Variants in USP32 observed in about 807,000 individuals in gnomAD.
USP32 encodes ubiquitin carboxyl-terminal hydrolase 32.
Under a neutral mutation model 204.8 loss-of-function variants are expected in USP32, and 59 were observed. That is an observed-to-expected ratio of 0.29 (90% CI 0.23 to 0.36). The LOEUF is 0.36. USP32 is among the 10% of genes least tolerant of loss of function. USP32 has a pLI of 1.00. For missense variants in USP32, 1,160 were observed against 1,946.4 expected (o/e 0.60, Z 7.60); for synonymous variants, 517 against 678.4 (o/e 0.76, Z 3.70).
In USP32 at chr17:60,374,399, G is replaced by A. The variant is rs754031421; in HGVS notation, c.58+17483C>T. Among the ~76,000 whole-genome samples, 313 of 141,554 alleles carry A rather than the reference G, an allele frequency of 2.2e-3. 2 individuals are homozygous for A. The highest frequency in any genetic ancestry group is 3.5e-3 in the Non-Finnish European group (222 of 64,218). The allele number at this position is 141,554 out of a possible 152,430, so 92.9% of individuals were successfully genotyped here. Reference sequence around the variant, plus strand: ...CCTAAGGCTGTTACAGTTAAGTTTTGTTTTTTTTTTTTTGAGACAGAGTCT... The same window carrying A: ...CCTAAGGCTGTTACAGTTAAGTTTTATTTTTTTTTTTTTGAGACAGAGTCT... On this transcript the variant is annotated intron_variant, in intron 1 of 33. Transcript: ENST00000300896.
At position 60,419,818 on chromosome 17, in the gene USP32, ATTATT is replaced by A. The variant is rs993054546; in HGVS notation, c.106+2423_106+2427del. 1.5e-3 allele frequency among the ~76,000 whole-genome samples: 9 copies of A among 6,066 alleles called. No individual in the cohort carries two copies. In the African/African-American group the frequency reaches 0.015, roughly 10 times the overall value. The allele number at this position is 6,066 out of a possible 152,430, so 4.0% of individuals were successfully genotyped here. A position where few individuals can be genotyped will look rare whatever the true frequency, so the allele number is the denominator to read the frequency against. On this transcript the variant is annotated intron_variant, in intron 1 of 3. Coordinates refer to the USP32 transcript ENST00000588898. ...AACCTGCAACTCAAGGTTAAAAAAA[ATTATT>A]ATTATTATTATTATTATTATTATTA...
chr17:60,181,816 A>G, intron 31 of USP32, 68 bp from the exon 32 acceptor site: 3 of 1,552,906 alleles, frequency 1.9e-6, no homozygotes, highest in East Asian at 2.2e-5. Context: ...CCCAAATGCT[A>G]CCTCTGAGGT....
chr17:60,335,705 A>G (rs2088499925), intron 2 of USP32, among the ~76,000 whole-genome samples: 2 of 143,386 alleles, frequency 1.4e-5, no homozygotes, highest in Non-Finnish European at 3.0e-5. Context: ...TTGTTCCCTG[A>G]GACAAAAACC....
chr17:60,195,699 C>T (rs2084496892), intron 27 of USP32, among the ~76,000 whole-genome samples: 1 of 152,164 alleles, frequency 6.6e-6, no homozygotes, highest in African/African-American at 2.4e-5. Context: ...TGCGTATGAA[C>T]TCAGTTCAGA....
In USP32 at chr17:60,392,077, G is replaced by A. The variant is rs1194632214; in HGVS notation, c.-138C>T. 3.1e-6 allele frequency: 3 copies of A among 965,558 alleles called. No homozygotes were observed. The highest frequency in any genetic ancestry group is 3.7e-5 in the African/African-American group (2 of 53,968). 59.8% of individuals were successfully genotyped at this position (965,558 alleles called of 1,614,324 possible). On this transcript the variant is annotated 5_prime_UTR_variant, in exon 1 of 34. Coordinates refer to ENST00000300896, the MANE Select transcript of USP32 (RefSeq NM_032582.4). ...CACCTCCCCCCACACTAACAAGTGC[G>A]GCTTCTGCCCCGGCGGCTCCTCCCG... is the stretch of plus-strand genomic sequence containing the variant.
intron 2 of USP32, among the ~76,000 whole-genome samples, chr17:60,328,024 C>T (rs371534849): frequency 3.3e-5 from 5 of 152,234 alleles, no homozygotes; most frequent in East Asian, 3.9e-4. Context: ...CCATGGATGG[C>T]GGCAGGCAGC....
chr17:60,282,767 C>T (rs1344026621), intron 5 of USP32, among the ~76,000 whole-genome samples: 1 of 152,184 alleles, frequency 6.6e-6, no homozygotes, highest in African/African-American at 2.4e-5. Flanking sequence ...CCTTACAGTC[C>T]TAAGAGGACA....
chr17:60,326,597 C>A (rs1326899801), intron 2 of USP32, among the ~76,000 whole-genome samples: 1 of 152,186 alleles, frequency 6.6e-6, no homozygotes, highest in Non-Finnish European at 1.5e-5. Flanking sequence ...CTGTGCCCGG[C>A]CATGGTTTAT....
intron 1 of USP32, among the ~76,000 whole-genome samples, chr17:60,348,660 C>T (rs560209617): frequency 6.6e-6 from 1 of 151,898 alleles, no homozygotes; most frequent in East Asian, 1.9e-4. Context: ...TATAGCTACT[C>T]AGGAGGCTGA....
At chr17:60,336,735 A>G (rs968953367) in intron 2 of USP32, among the ~76,000 whole-genome samples, 1 of 151,884 alleles carries the variant, frequency 6.6e-6, no homozygotes, top group Non-Finnish European at 1.5e-5. Flanking sequence ...AAAAAAGAAA[A>G]AAAAGAAATG....
At chr17:60,190,445 C>G in intron 29 of USP32, 118 bp downstream of exon 29, 1 of 1,361,172 alleles carries the variant, frequency 7.3e-7, no homozygotes, top group Non-Finnish European at 9.7e-7. Context: ...ATAGAGGATG[C>G]CAATGAAGGT....
At chr17:60,188,042 G>A (rs1204557824) in intron 29 of USP32, among the ~76,000 whole-genome samples, 1 of 151,866 alleles carries the variant, frequency 6.6e-6, no homozygotes, top group African/African-American at 2.4e-5. Context: ...GTGCACTGGC[G>A]AGATCACAGC....
intron 1 of USP32, among the ~76,000 whole-genome samples, chr17:60,362,867 T>C (rs780803658): frequency 6.6e-6 from 1 of 151,734 alleles, no homozygotes; most frequent in Non-Finnish European, 1.5e-5. Context: ...AACACCTTAG[T>C]CAAAAGGCAG....
chr17:60,180,160 G>C (rs1410694699), intron 33 of USP32, among the ~76,000 whole-genome samples: 1 of 152,084 alleles, frequency 6.6e-6, no homozygotes, highest in East Asian at 1.9e-4. Context: ...CGAGTAGCTG[G>C]GATTAGAGGC....
chr17:60,376,008 C>T (rs2089533364), intron 1 of USP32, among the ~76,000 whole-genome samples: 1 of 152,084 alleles, frequency 6.6e-6, no homozygotes, highest in Non-Finnish European at 1.5e-5. Flanking sequence ...TGCATTTTCA[C>T]TGTCACTCAA....
rs1307789444 is a variant in USP32 at position 60,413,861 on chromosome 17, C to CAAAAA, written c.106+8380_106+8384dup. Among the ~76,000 whole-genome samples the CAAAAA allele has an allele frequency of 3.5e-3, 111 of 31,708 alleles. 7 individuals are homozygous for CAAAAA. Among genetic ancestry groups the CAAAAA allele is most frequent in the African/African-American group, 0.012 (98 of 8,516 alleles). The allele number at this position is 31,708 out of a possible 152,430, so 20.8% of individuals were successfully genotyped here. A position where few individuals can be genotyped will look rare whatever the true frequency, so the allele number is the denominator to read the frequency against. On this transcript the variant is annotated intron_variant, in intron 1 of 3. Coordinates refer to the USP32 transcript ENST00000588898. ...GCCTGGCGACAGCTAGATTCTGTCT[C>CAAAAA]AAAAAAAAAAAAAAGAAAAAAAAAA...
chr17:60,288,617 G>C lies in USP32; in HGVS notation c.477C>G (p.Phe159Leu). ...WLFLNKDAFT[F>L]SRWLLSGGVY... Reference sequence around the variant, plus strand: ...CACCTCCAGATAGAAGCCATCGAGAGAAAGTAAAAGCATCTTTGTTTAGAA... The same window carrying C: ...CACCTCCAGATAGAAGCCATCGAGACAAAGTAAAAGCATCTTTGTTTAGAA... Residue 159 changes from phenylalanine (F) to leucine (L), a missense_variant, in exon 5 of 34, where the codon TTC becomes TTG. This residue lies in a region of USP32 where 536 missense variants were observed against 680.9 expected (regional missense o/e 0.79). Transcript: ENST00000300896. 6.2e-7 allele frequency: 1 copy of C among 1,613,504 alleles called. No homozygotes were observed. Among genetic ancestry groups the C allele is most frequent in the Non-Finnish European group, 8.5e-7 (1 of 1,179,782 alleles).
At position 60,192,692 on chromosome 17, in the gene USP32, T is replaced by C. The variant is rs2084417238; in HGVS notation, c.3521+152A>G. ...CACCCACCTCGGCTTCCCAAAGTGATGGGAATACAGGCGTGAGCCACCGTG... is the reference window on the plus strand; with the variant it reads ...CACCCACCTCGGCTTCCCAAAGTGACGGGAATACAGGCGTGAGCCACCGTG... On this transcript the variant is annotated intron_variant, in intron 28 of 33. Coordinates refer to ENST00000300896, the MANE Select transcript of USP32 (RefSeq NM_032582.4). 4.3e-6 allele frequency: 4 copies of C among 929,412 alleles called. No homozygotes were observed. The Admixed American group carries it at 8.1e-5, about 19-fold the overall frequency. 57.6% of individuals were successfully genotyped at this position (929,412 alleles called of 1,614,324 possible).
At chr17:60,363,624 C>A (rs2089256285) in intron 1 of USP32, among the ~76,000 whole-genome samples, 1 of 151,542 alleles carries the variant, frequency 6.6e-6, no homozygotes, top group African/African-American at 2.4e-5. Context: ...GTAGCTGGGA[C>A]CATAGGTCCA....
Sources: gnomAD v4.1 joint callset for allele counts (sites outside exome capture counted in the v4.1 genomes callset) on GRCh38, gnomAD v4.1.1 for gene constraint, gnomAD v4.1.1 regional missense constraint, MANE v1.5 for transcripts, NCBI Gene and HGNC (gene_info 2026-07-23, HGNC 2026-07-21) for gene names.